NCAM1: variants seen among roughly 807,000 people sequenced by gnomAD.
The protein encoded by NCAM1 is neural cell adhesion molecule 1.
NCAM1 carries 14 observed loss-of-function variants against 109.8 expected under a neutral mutation model. The ratio of observed to expected loss-of-function variants is 0.13; its 90% confidence interval spans 0.08 to 0.20. The LOEUF (loss-of-function observed/expected upper bound fraction) is 0.20, where lower values mean the gene tolerates loss of function less well. Ranked by LOEUF, NCAM1 falls within the 10% of genes least tolerant of loss-of-function variation. The probability of loss-of-function intolerance (pLI) is 1.00; values close to 1 mark genes in which losing one functional copy is unlikely to be tolerated. For synonymous variants in NCAM1, 418 were observed against 442.9 expected, an observed-to-expected ratio of 0.94 and a Z score of 0.70; for missense variants, 774 against 1,109.9, an observed-to-expected ratio of 0.70 and a Z score of 4.30.
chr11:112,978,547 T>A (rs1164791425), intron 1 of NCAM1, among the ~76,000 whole-genome samples: 10 of 151,842 alleles, frequency 6.6e-5, no homozygotes, highest in Non-Finnish European at 1.0e-4. Context: ...GAGCTACTTA[T>A]AATGTTTCTC....
chr11:113,207,746 A>C lies in NCAM1; in HGVS notation c.747-87A>C, dbSNP rs142053359. Reference sequence around the variant, plus strand: ...ACTGAGGAGTCTTTCCCATTGACTCAGTCTGCATTCTATGGAACCTAATTA... The same window carrying C: ...ACTGAGGAGTCTTTCCCATTGACTCCGTCTGCATTCTATGGAACCTAATTA... On this transcript the variant is annotated intron_variant, in intron 6 of 19. Coordinates refer to ENST00000316851, the MANE Select transcript of NCAM1 (RefSeq NM_181351.5). The C allele has an allele frequency of 3.4e-5, 48 of 1,392,564 alleles. No individual in the cohort carries two copies. In the African/African-American group the frequency reaches 6.9e-4, roughly 20 times the overall value. 86.3% of individuals were successfully genotyped at this position (1,392,564 alleles called of 1,614,324 possible). A position where few individuals can be genotyped will look rare whatever the true frequency, so the allele number is the denominator to read the frequency against.
intron 7 of NCAM1, among the ~76,000 whole-genome samples, chr11:113,210,840 C>T (rs1944371770): frequency 1.3e-5 from 2 of 150,268 alleles, no homozygotes; most frequent in South Asian, 4.2e-4. Flanking sequence ...CAATTTCTTT[C>T]CCGAAACTGC....
intron 1 of NCAM1, among the ~76,000 whole-genome samples, chr11:113,060,231 C>CA (rs781836627): frequency 6.6e-6 from 1 of 152,212 alleles, no homozygotes; most frequent in Non-Finnish European, 1.5e-5. Flanking sequence ...GCTTTTGCGA[C>CA]ATCATGGTTT....
rs1054728027 is a variant in NCAM1, at chr11:112,962,380, G to C, written c.52+716G>C. 9.2e-5 allele frequency among the ~76,000 whole-genome samples: 14 copies of C among 152,078 alleles called. No individual in the cohort carries two copies. Among genetic ancestry groups the C allele is most frequent in the Admixed American group, 6.5e-5 (1 of 15,276 alleles). ...ATGGGAGGGTCGAGCGCCGCGTTTTGACAGGAGGAAGTGCGGAGGGGCGGA... is the reference window on the plus strand; with the variant it reads ...ATGGGAGGGTCGAGCGCCGCGTTTTCACAGGAGGAAGTGCGGAGGGGCGGA... On this transcript the variant is annotated intron_variant, in intron 1 of 19. Transcript: ENST00000316851. This position sits in a 1 kb window ranked among gnomAD's most constrained non-coding sequence, Gnocchi z 5.6.
intron 1 of NCAM1, among the ~76,000 whole-genome samples, chr11:113,043,730 T>G (rs1025270678): frequency 6.6e-6 from 1 of 152,162 alleles, no homozygotes; most frequent in African/African-American, 2.4e-5. Flanking sequence ...CATTCCCTCC[T>G]CAGAGTCTCC....
intron 8 of NCAM1, among the ~76,000 whole-genome samples, chr11:113,214,737 T>G (rs1447372383): frequency 1.3e-5 from 2 of 152,102 alleles, no homozygotes; most frequent in South Asian, 4.1e-4. Flanking sequence ...GGGGGCGTGA[T>G]GTATGGGCAT....
rs1946421190 is a variant in NCAM1, at chr11:113,277,508, T to G, written c.*2121T>G. The G allele has an allele frequency of 2.5e-6, 1 of 398,668 alleles. No individual in the cohort carries two copies. The highest frequency in any genetic ancestry group is 4.4e-6 in the Non-Finnish European group (1 of 225,980). 24.7% of individuals were successfully genotyped at this position (398,668 alleles called of 1,614,324 possible). On this transcript the variant is annotated 3_prime_UTR_variant, in exon 20 of 20. Coordinates refer to ENST00000316851, the MANE Select transcript of NCAM1 (RefSeq NM_181351.5). Reference sequence around the variant, plus strand: ...AGTAGAATGTGAGAGCCTGGGTGTCTGAGACCGGGAGGGCCCAGCAGTGAG... The same window carrying G: ...AGTAGAATGTGAGAGCCTGGGTGTCGGAGACCGGGAGGGCCCAGCAGTGAG...
chr11:113,220,602 C>T (rs111282349), intron 8 of NCAM1, among the ~76,000 whole-genome samples: 1,689 of 75,650 alleles, frequency 0.022, 121 homozygotes, highest in East Asian at 0.05. Flanking sequence ...CTCTCTCTCT[C>T]TTTTTTTTTT....
At chr11:113,241,153 T>G (rs549668098) in intron 14 of NCAM1, among the ~76,000 whole-genome samples, 1 of 152,314 alleles carries the variant, frequency 6.6e-6, no homozygotes, top group East Asian at 1.9e-4. Context: ...AGCTCGTATT[T>G]GGAGAAGCCA....
chr11:113,018,807 C>T (rs1555075746), intron 1 of NCAM1, among the ~76,000 whole-genome samples: 1 of 152,034 alleles, frequency 6.6e-6, no homozygotes, highest in African/African-American at 2.4e-5. Context: ...TTAATAGAGT[C>T]ATTATAAAAT....
intron 1 of NCAM1, among the ~76,000 whole-genome samples, chr11:113,049,469 G>A (rs78858861): frequency 0.01 from 1,530 of 152,252 alleles, 26 homozygotes; most frequent in African/African-American, 0.035. Flanking sequence ...CATGTAATGA[G>A]TTAATAATAA....
chr11:113,207,507 G>A, intron 6 of NCAM1, 129 bp downstream of exon 6: 1 of 741,184 alleles, frequency 1.3e-6, no homozygotes. Context: ...GGAGAAGAAT[G>A]GACTCTTTTC....
In NCAM1 at chr11:113,255,935, A is replaced by G. The variant is rs1945821044; in HGVS notation, c.1887A>G (p.Lys629=). 1 of 1,611,066 alleles carries G rather than the reference A, an allele frequency of 6.2e-7. No individual in the cohort carries two copies. Among genetic ancestry groups the G allele is most frequent in the Non-Finnish European group, 8.5e-7 (1 of 1,178,818 alleles). The change falls in exon 16 of 20, where the codon AAA becomes AAG. Residue 629 remains lysine, a synonymous_variant. Coordinates refer to ENST00000316851, the MANE Select transcript of NCAM1 (RefSeq NM_181351.5). The part of the protein sequence containing the change: ...GQMGEDGNSI[K]VNLIKQDDGG... Reference sequence around the variant, plus strand: ...TGGGAGAGGATGGAAACTCTATTAAAGTGAACCTGATCAAGCAGGATGACG... The same window carrying G: ...TGGGAGAGGATGGAAACTCTATTAAGGTGAACCTGATCAAGCAGGATGACG...
intron 1 of NCAM1, among the ~76,000 whole-genome samples, chr11:113,191,227 G>A (rs1171213540): frequency 4.6e-5 from 7 of 152,336 alleles, no homozygotes; most frequent in Admixed American, 3.9e-4. Flanking sequence ...CCCACTGGTG[G>A]TGAGGAGCAG....
chr11:113,152,567 C>T (rs782034182), intron 1 of NCAM1, among the ~76,000 whole-genome samples: 5 of 152,232 alleles, frequency 3.3e-5, no homozygotes, highest in Non-Finnish European at 7.3e-5. Flanking sequence ...GGACTAGGCC[C>T]ATCCTTAGCC....
intron 1 of NCAM1, among the ~76,000 whole-genome samples, chr11:112,967,793 T>G (rs1232897576): frequency 6.6e-6 from 1 of 152,196 alleles, no homozygotes; most frequent in African/African-American, 2.4e-5. Flanking sequence ...AATTCCATGT[T>G]GGTTGTGAAT....
chr11:113,106,066 G>T (rs1347724674), intron 1 of NCAM1, among the ~76,000 whole-genome samples: 4 of 151,556 alleles, frequency 2.6e-5, no homozygotes, highest in Non-Finnish European at 2.9e-5. Context: ...CTTTTTATTT[G>T]ACTAATTGGT....
intron 12 of NCAM1, 145 bp downstream of exon 12, chr11:113,232,959 A>G: frequency 1.0e-6 from 1 of 967,068 alleles, no homozygotes. Flanking sequence ...GGAAGCTGGG[A>G]GCCATTGGAT....
chr11:113,069,668 G>A (rs572372624), intron 1 of NCAM1, among the ~76,000 whole-genome samples: 18 of 152,312 alleles, frequency 1.2e-4, no homozygotes, highest in South Asian at 8.3e-4. Context: ...TTCTAAGCAC[G>A]TGAAGAGGGA....
Sources: allele counts gnomAD v4.1 joint callset (sites outside exome capture counted in the v4.1 genomes callset), GRCh38; gene constraint gnomAD v4.1.1; non-coding constraint Gnocchi (gnomAD v3.1); transcripts MANE v1.5; gene names NCBI Gene and HGNC (gene_info 2026-07-23, HGNC 2026-07-21).